The following CAMTA1 variants were observed in gnomAD, a reference collection of about 807,000 sequenced individuals.
The protein encoded by CAMTA1 is calmodulin-binding transcription activator 1.
A neutral mutation model predicts 170.9 loss-of-function variants in CAMTA1; 27 were observed. The observed-to-expected ratio is 0.16, with a 90% CI of 0.12 to 0.22. The LOEUF is 0.22. Among genes scored for constraint, CAMTA1 ranks in the 10% least tolerant of loss-of-function variants. The pLI is 1.00. For synonymous variants in CAMTA1, 833 were observed against 891.5 expected, an observed-to-expected ratio of 0.93 and a Z score of 1.17; for missense variants, 1,619 against 2,217.2, an observed-to-expected ratio of 0.73 and a Z score of 5.42.
intron 3 of CAMTA1, among the ~76,000 whole-genome samples, chr1:6,947,946 A>G (rs1042816461): frequency 6.6e-6 from 1 of 152,212 alleles, no homozygotes; most frequent in Non-Finnish European, 1.5e-5. Context: ...TTTTCTACAT[A>G]CAAGATCATC....
chr1:6,865,696 A>G (rs564825431), intron 3 of CAMTA1, among the ~76,000 whole-genome samples: 1 of 152,292 alleles, frequency 6.6e-6, no homozygotes, highest in Non-Finnish European at 1.5e-5. Context: ...TACATTAATT[A>G]TTTTTGTTTA....
chr1:6,950,551 C>A (rs778654809), intron 3 of CAMTA1, among the ~76,000 whole-genome samples: 13 of 152,144 alleles, frequency 8.5e-5, no homozygotes, highest in Non-Finnish European at 8.8e-5. Flanking sequence ...ATGCTCACTG[C>A]AGGTGGGTGG....
intron 6 of CAMTA1, among the ~76,000 whole-genome samples, chr1:7,602,044 GGAGGGA>G (rs2095449125): frequency 6.7e-6 from 1 of 148,868 alleles, no homozygotes; most frequent in Admixed American, 6.6e-5. Flanking sequence ...GAGAGGGAGA[GGAGGGA>G]GAGGGAGAGG....
intron 4 of CAMTA1, among the ~76,000 whole-genome samples, chr1:7,156,161 G>C (rs1165138748): frequency 6.6e-6 from 1 of 151,518 alleles, no homozygotes; most frequent in Non-Finnish European, 1.5e-5. Context: ...GTGATCCCAG[G>C]TACTTGGGAG....
intron 5 of CAMTA1, among the ~76,000 whole-genome samples, chr1:7,340,176 G>A (rs1246844539): frequency 2.0e-5 from 3 of 152,186 alleles, no homozygotes; most frequent in Non-Finnish European, 2.9e-5. Flanking sequence ...ATGTGGCTGT[G>A]TGCCCATAAA....
At chr1:7,473,974 G>A (rs2093377111) in intron 6 of CAMTA1, among the ~76,000 whole-genome samples, 1 of 152,248 alleles carries the variant, frequency 6.6e-6, no homozygotes, top group African/African-American at 2.4e-5. Flanking sequence ...ATCCTGCAGG[G>A]TCCCTGAACC....
chr1:7,711,923 A>G (rs907765049), intron 11 of CAMTA1, among the ~76,000 whole-genome samples: 1 of 152,250 alleles, frequency 6.6e-6, no homozygotes, highest in Non-Finnish European at 1.5e-5. Flanking sequence ...CAGGCTAGCC[A>G]GAGAACAAAA....
rs552048595 is a variant in CAMTA1, at chr1:6,911,693, G to T, written c.234+86483G>T. Among the ~76,000 whole-genome samples the T allele has an allele frequency of 8.7e-4, 132 of 152,294 alleles. 1 individual carries two copies. The highest frequency in any genetic ancestry group is 4.1e-3 in the South Asian group (20 of 4,826). On this transcript the variant is annotated intron_variant, in intron 3 of 22. Coordinates refer to ENST00000303635, the MANE Select transcript of CAMTA1 (RefSeq NM_015215.4). ...CTTTACCAAGTCCCCCAGAAACCCCGCTGGTAAGGTGCTGGCTGAGCTCCT... is the reference window on the plus strand; with the variant it reads ...CTTTACCAAGTCCCCCAGAAACCCCTCTGGTAAGGTGCTGGCTGAGCTCCT...
chr1:7,728,538 G>A (rs1256046246), intron 11 of CAMTA1, among the ~76,000 whole-genome samples: 1 of 152,234 alleles, frequency 6.6e-6, no homozygotes, highest in Admixed American at 6.5e-5. Context: ...AAGATTTGTA[G>A]ACTTGCAGAA....
intron 3 of CAMTA1, among the ~76,000 whole-genome samples, chr1:6,921,285 TA>T (rs79615812): frequency 0.075 from 11,493 of 152,296 alleles, 685 homozygotes; most frequent in East Asian, 0.23. Context: ...CACTCTTTGC[TA>T]AAACTTAACA....
chr1:7,727,480 G>T (rs2096698894), intron 11 of CAMTA1, among the ~76,000 whole-genome samples: 1 of 152,164 alleles, frequency 6.6e-6, no homozygotes, highest in African/African-American at 2.4e-5. Flanking sequence ...TTATCTGTTG[G>T]TCGACAAAAG....
chr1:7,457,233 A>C (rs1214197607), intron 5 of CAMTA1, among the ~76,000 whole-genome samples: 2 of 152,160 alleles, frequency 1.3e-5, no homozygotes, highest in Admixed American at 6.5e-5. Context: ...TGGAACCCCC[A>C]AAAACAATAA....
chr1:7,265,194 C>G (rs1236918505), intron 5 of CAMTA1, among the ~76,000 whole-genome samples: 1 of 152,174 alleles, frequency 6.6e-6, no homozygotes, highest in Non-Finnish European at 1.5e-5. Flanking sequence ...CCATGAGCCA[C>G]ATGTGGTGGT....
At chr1:7,702,017 C>G (rs1019295314) in intron 11 of CAMTA1, among the ~76,000 whole-genome samples, 3 of 152,154 alleles carry the variant, frequency 2.0e-5, no homozygotes, top group Admixed American at 2.0e-4. Flanking sequence ...CTCTGCCTGA[C>G]TTTCCAAGAA....
intron 11 of CAMTA1, among the ~76,000 whole-genome samples, chr1:7,687,139 G>A (rs2096265609): frequency 6.6e-6 from 1 of 151,844 alleles, no homozygotes. Flanking sequence ...TGAGCACGAA[G>A]ACTCCGTGAA....
At chr1:6,786,235 C>T (rs1028597450) in intron 1 of CAMTA1, among the ~76,000 whole-genome samples, 4 of 151,962 alleles carry the variant, frequency 2.6e-5, no homozygotes, top group Non-Finnish European at 5.9e-5. Context: ...CGAAGGGCCT[C>T]GTGTGACCCC....
Position 7,286,096 on chromosome 1 carries a change from C to T in CAMTA1, c.438+36470C>T, listed in dbSNP as rs1414479380. ...CAGATTCTGAAGACTCAGGGACCAG[C>T]GCCACATGGTCTCTGTTCTTGAGGT... On this transcript the variant is annotated intron_variant, in intron 5 of 22. Transcript: ENST00000303635. The surrounding 1 kb of genome is among the most constrained non-coding windows in gnomAD (Gnocchi z 4.2). 1.3e-5 allele frequency among the ~76,000 whole-genome samples: 2 copies of T among 152,168 alleles called. No individual in the cohort carries two copies. The highest frequency in any genetic ancestry group is 1.9e-4 in the East Asian group (1 of 5,198).
chr1:6,913,919 A>G (rs557791436), intron 3 of CAMTA1, among the ~76,000 whole-genome samples: 7 of 152,086 alleles, frequency 4.6e-5, no homozygotes, highest in Non-Finnish European at 8.8e-5. Context: ...TCTGGAGCAC[A>G]GGATTTCCAT....
chr1:6,938,108 T>G (rs560379160), intron 3 of CAMTA1, among the ~76,000 whole-genome samples: 139 of 152,380 alleles, frequency 9.1e-4, no homozygotes, highest in African/African-American at 3.1e-3. Flanking sequence ...GCCATACCTT[T>G]TTATTTAGGG....
Sources: gnomAD v4.1 joint callset for allele counts (sites outside exome capture counted in the v4.1 genomes callset) on GRCh38, gnomAD v4.1.1 for gene constraint, Gnocchi (gnomAD v3.1) non-coding constraint, MANE v1.5 for transcripts, NCBI Gene and HGNC (gene_info 2026-07-23, HGNC 2026-07-21) for gene names.